PRR29: variants seen among roughly 807,000 people sequenced by gnomAD.
The protein encoded by PRR29 is proline rich 29, also known as proline-rich protein 29.
In PRR29, 20 loss-of-function variants were observed where a neutral mutation model predicts 25.1. The ratio of observed to expected loss-of-function variants is 0.80; its 90% CI spans 0.56 to 1.16. The LOEUF is 1.16. Ranked by LOEUF, PRR29 falls within the 50% of genes most tolerant of loss-of-function variation. The pLI is 0.00. For synonymous variants in PRR29, 108 were observed against 102.6 expected, an observed-to-expected ratio of 1.05 and a Z score of -0.32; for missense variants, 238 against 246.6, an observed-to-expected ratio of 0.97 and a Z score of 0.23.
rs1016618104 is a variant in PRR29, at chr17:63,999,002, G to A, written c.171G>A (p.Gln57=). The A allele has an allele frequency of 1.0e-5, 16 of 1,536,128 alleles. 1 individual carries two copies. The Admixed American group carries it at 2.9e-4, about 28-fold the overall frequency. Residue 57 remains glutamine (Q), a synonymous_variant, in exon 3 of 6, where the codon CAG becomes CAA. Coordinates refer to ENST00000412177, the MANE Select transcript of PRR29 (RefSeq NM_001164257.2). The part of the protein sequence containing the change: ...LLELMMLQNA[Q]MHQLLLSRLV... ...AACTGATGATGCTGCAGAACGCGCA[G>A]ATGCACCAGCTGCTGCTGAGTCGCC...
chr17:64,003,004 C>G lies in PRR29; in HGVS notation c.*1243C>G, dbSNP rs1021734177. ...GACCAAAAGGGAGTGGAAGTCCACCCCCAACCCAGACCCCCAGACCCCGCC... is the reference window on the plus strand; with the variant it reads ...GACCAAAAGGGAGTGGAAGTCCACCGCCAACCCAGACCCCCAGACCCCGCC... On this transcript the variant is annotated 3_prime_UTR_variant, in exon 6 of 6. Transcript: ENST00000412177. 28 of 1,403,278 alleles carry G rather than the reference C, an allele frequency of 2.0e-5. No individual in the cohort carries two copies. In the African/African-American group the frequency reaches 2.7e-4, roughly 13 times the overall value. The allele number at this position is 1,403,278 out of a possible 1,614,324, so 86.9% of individuals were successfully genotyped here. A position where few individuals can be genotyped will look rare whatever the true frequency, so the allele number is the denominator to read the frequency against.
In PRR29 at chr17:64,001,299, G is replaced by A; in HGVS notation, c.459G>A (p.Arg153=). The part of the protein sequence containing the change: ...VPRIQHCPAS[R]EREVRAVPPP... ...GGATTCAGCACTGTCCTGCCTCCAGGGAAAGGGAGGTGTAAGTGAGGCTGG... is the reference window on the plus strand; with the variant it reads ...GGATTCAGCACTGTCCTGCCTCCAGAGAAAGGGAGGTGTAAGTGAGGCTGG... The change falls in exon 4 of 6, where the codon AGG becomes AGA. Residue 153 remains arginine (R), a synonymous_variant. Transcript: ENST00000412177. 3 of 1,535,702 alleles carry A rather than the reference G, an allele frequency of 2.0e-6. No homozygotes were observed. The highest frequency in any genetic ancestry group is 2.6e-6 in the Non-Finnish European group (3 of 1,145,658).
At position 63,998,779 on chromosome 17, in the gene PRR29, G is replaced by A. The variant is rs975298280; in HGVS notation, c.133G>A (p.Glu45Lys). The part of the protein sequence containing the change: ...PAPPQPGRVK[E>K]DLLELMMLQN... ...GCCCCCGCAGCCAGGCCGCGTGAAG[G>A]AAGGTGAGACTCCCGGGTCCCCCCA... Residue 45 changes from glutamate (E) to lysine (K), a missense_variant, in exon 2 of 6, where the codon GAA becomes AAA. Physicochemically the swap from Glu to Lys is moderately conservative, Grantham distance 56. Transcript: ENST00000412177. 5 of 1,523,034 alleles carry A rather than the reference G, an allele frequency of 3.3e-6. No homozygotes were observed. The highest frequency in any genetic ancestry group is 3.5e-6 in the Non-Finnish European group (4 of 1,136,848). The allele number at this position is 1,523,034 out of a possible 1,614,324, so 94.3% of individuals were successfully genotyped here.
chr17:64,001,910 G>C lies in PRR29; in HGVS notation c.*149G>C, dbSNP rs1162411249. 1 of 1,535,802 alleles carries C rather than the reference G, an allele frequency of 6.5e-7. No individual in the cohort carries two copies. Reference sequence around the variant, plus strand: ...AACCTCAGCCAGGCCCTCTTCTCCTGGGGAAATCAGTCCCTGCCCCACGCC... The same window carrying C: ...AACCTCAGCCAGGCCCTCTTCTCCTCGGGAAATCAGTCCCTGCCCCACGCC... On this transcript the variant is annotated 3_prime_UTR_variant, in exon 6 of 6. Transcript: ENST00000412177.
Position 64,002,989 on chromosome 17 carries a change from G to C in PRR29, c.*1228G>C, listed in dbSNP as rs1260499488. On this transcript the variant is annotated 3_prime_UTR_variant, in exon 6 of 6. Transcript: ENST00000412177. ...ATCCCAGTTACCAGGGACCAAAAGGGAGTGGAAGTCCACCCCCAACCCAGA... is the reference window on the plus strand; with the variant it reads ...ATCCCAGTTACCAGGGACCAAAAGGCAGTGGAAGTCCACCCCCAACCCAGA... 2 of 1,507,400 alleles carry C rather than the reference G, an allele frequency of 1.3e-6. No homozygotes were observed. The highest frequency in any genetic ancestry group is 2.8e-5 in the African/African-American group (2 of 72,672). The allele number at this position is 1,507,400 out of a possible 1,614,324, so 93.4% of individuals were successfully genotyped here.
In PRR29 at chr17:64,003,427, G is replaced by A. The variant is rs549232919; in HGVS notation, c.*1666G>A. The A allele has an allele frequency of 1.0e-4, 59 of 578,730 alleles. No homozygotes were observed. Among genetic ancestry groups the A allele is most frequent in the East Asian group, 3.8e-4 (13 of 34,300 alleles). 35.8% of individuals were successfully genotyped at this position (578,730 alleles called of 1,614,324 possible). A position where few individuals can be genotyped will look rare whatever the true frequency, so the allele number is the denominator to read the frequency against. On this transcript the variant is annotated 3_prime_UTR_variant, in exon 6 of 6. Transcript: ENST00000412177. ...AAGGTCATGGGGCTTGATGGTGGCC[G>A]AGGAACTAGTTGACCTCTCCCGACC... is the stretch of plus-strand genomic sequence containing the variant.
At chr17:63,998,814 C>A in intron 2 of PRR29, 32 bp downstream of exon 2, 1 of 1,116,054 alleles carries the variant, frequency 9.0e-7, no homozygotes, top group Non-Finnish European at 1.3e-6. Context: ...ACCCCACCCC[C>A]ACCATCACCA....
chr17:63,998,799 C>A lies in PRR29; in HGVS notation c.136+17C>A. 5.9e-6 allele frequency: 6 copies of A among 1,009,274 alleles called. No homozygotes were observed. Among genetic ancestry groups the A allele is most frequent in the Non-Finnish European group, 5.7e-6 (4 of 699,486 alleles). 62.5% of individuals were successfully genotyped at this position (1,009,274 alleles called of 1,614,324 possible). A position where few individuals can be genotyped will look rare whatever the true frequency, so the allele number is the denominator to read the frequency against. The stretch of plus-strand genomic sequence containing the variant: ...TGAAGGAAGGTGAGACTCCCGGGTC[C>A]CCCCACCCCACCCCCACCATCACCA... On this transcript the variant is annotated intron_variant, in intron 2 of 5. Coordinates refer to ENST00000412177, the MANE Select transcript of PRR29 (RefSeq NM_001164257.2).
rs1313818854 is a variant in PRR29, at chr17:64,001,766, A to T, written c.*5A>T. ...GATGCCGAGAGCCTCCTATGAGGAC[A>T]GACCCCGGCCCTGGGAACTGCACCA... On this transcript the variant is annotated 3_prime_UTR_variant, in exon 6 of 6. Transcript: ENST00000412177. 1 of 1,537,144 alleles carries T rather than the reference A, an allele frequency of 6.5e-7. No individual in the cohort carries two copies. Among genetic ancestry groups the T allele is most frequent in the Non-Finnish European group, 8.7e-7 (1 of 1,146,890 alleles).
Position 63,998,797 on chromosome 17 carries a change from T to TTGG in PRR29, c.136+15_136+16insTGG. On this transcript the variant is annotated intron_variant, in intron 2 of 5. Coordinates refer to ENST00000412177, the MANE Select transcript of PRR29 (RefSeq NM_001164257.2). Reference sequence around the variant, plus strand: ...CGTGAAGGAAGGTGAGACTCCCGGGTCCCCCCACCCCACCCCCACCATCAC... The same window carrying TTGG: ...CGTGAAGGAAGGTGAGACTCCCGGGTTGGCCCCCCACCCCACCCCCACCATCAC... The TTGG allele has an allele frequency of 9.4e-7, 1 of 1,062,594 alleles. No individual in the cohort carries two copies. Among genetic ancestry groups the TTGG allele is most frequent in the Non-Finnish European group, 1.3e-6 (1 of 761,694 alleles). The allele number at this position is 1,062,594 out of a possible 1,614,324, so 65.8% of individuals were successfully genotyped here. A position where few individuals can be genotyped will look rare whatever the true frequency, so the allele number is the denominator to read the frequency against.
rs770462917 is a variant in PRR29, at chr17:64,003,872, G to A, written c.*2111G>A. ...AGGAAGAGGGTGAGGCTGTCCAGGG[G>A]CTCCACGGTGGGCACCCTGCACTCA... On this transcript the variant is annotated 3_prime_UTR_variant, in exon 6 of 6. Transcript: ENST00000412177. 5.0e-6 allele frequency: 8 copies of A among 1,614,220 alleles called. No individual in the cohort carries two copies. The highest frequency in any genetic ancestry group is 6.8e-6 in the Non-Finnish European group (8 of 1,180,024).
rs747936060 is a variant in PRR29 at position 63,999,109 on chromosome 17, G to T, written c.243+35G>T. 2.0e-6 allele frequency: 3 copies of T among 1,486,552 alleles called. No individual in the cohort carries two copies. In the Admixed American group the frequency reaches 5.9e-5, roughly 29 times the overall value. The allele number at this position is 1,486,552 out of a possible 1,614,324, so 92.1% of individuals were successfully genotyped here. A position where few individuals can be genotyped will look rare whatever the true frequency, so the allele number is the denominator to read the frequency against. ...GGTGGGCCGCCGGGGTCGCTCACCT[G>T]TGGGTCCAGGGATGCGGATCCACCT... On this transcript the variant is annotated intron_variant, in intron 3 of 5. Transcript: ENST00000412177.
chr17:64,003,936 C>T lies in PRR29; in HGVS notation c.*2175C>T. 1 of 1,613,490 alleles carries T rather than the reference C, an allele frequency of 6.2e-7. No homozygotes were observed. The highest frequency in any genetic ancestry group is 8.5e-7 in the Non-Finnish European group (1 of 1,179,718). ...TGCCCACAGCCACCAAAGTGGGTTGCAGTGTCAGGATGACCTGCCTTGGAG... is the reference window on the plus strand; with the variant it reads ...TGCCCACAGCCACCAAAGTGGGTTGTAGTGTCAGGATGACCTGCCTTGGAG... On this transcript the variant is annotated 3_prime_UTR_variant, in exon 6 of 6. Coordinates refer to ENST00000412177, the MANE Select transcript of PRR29 (RefSeq NM_001164257.2).
At position 64,001,128 on chromosome 17, in the gene PRR29, G is replaced by A. The variant is rs1340808802; in HGVS notation, c.288G>A (p.Glu96=). 6.5e-7 allele frequency: 1 copy of A among 1,537,530 alleles called. No homozygotes were observed. ...AGGAAGAGCCTGAGGAGGAGGAGGA[G>A]GAGATGGACGTGCGGGAGAAAGGGC... The part of the protein sequence containing the change: ...VPQEEPEEEE[E]EMDVREKGPL... The change falls in exon 4 of 6, where the codon GAG becomes GAA. Residue 96 remains glutamate (E), a synonymous_variant. Transcript: ENST00000412177.
At chr17:63,998,571 GGA>G in intron 1 of PRR29, 134 bp from the exon 2 acceptor site, 1 of 1,126,896 alleles carries the variant, frequency 8.9e-7, no homozygotes, top group Non-Finnish European at 1.2e-6. Flanking sequence ...CAGGGAGCAG[GGA>G]GGCCGCGGGG....
chr17:63,998,676 C>T (rs1910302319), intron 1 of PRR29, 31 bp from the exon 2 acceptor site: 1 of 1,337,956 alleles, frequency 7.5e-7, no homozygotes, highest in Non-Finnish European at 1.0e-6. Flanking sequence ...TTCCCCCCAC[C>T]CCACCTGGCT....
rs1215579929 is a variant in PRR29 at position 63,998,725 on chromosome 17, C to A, written c.79C>A (p.Gln27Lys). 1 of 1,528,494 alleles carries A rather than the reference C, an allele frequency of 6.5e-7. No homozygotes were observed. The highest frequency in any genetic ancestry group is 1.2e-5 in the South Asian group (1 of 83,362). The allele number at this position is 1,528,494 out of a possible 1,614,324, so 94.7% of individuals were successfully genotyped here. A position where few individuals can be genotyped will look rare whatever the true frequency, so the allele number is the denominator to read the frequency against. ...CCCCCAGCCCTGGGTCACCTTCCTG[C>A]AGCCCCTCTCGTGGGCCGTCCCACC... ...AVPTPWVTFL[Q>K]PLSWAVPPAP... Residue 27 changes from glutamine (Q) to lysine (K), a missense_variant, in exon 2 of 6, where the codon CAG becomes AAG. Gln to Lys is a moderately conservative substitution (Grantham distance 53, BLOSUM62 1). Transcript: ENST00000412177.
intron 1 of PRR29, 30 bp from the exon 2 acceptor site, chr17:63,998,677 C>G (rs1014778262): frequency 2.8e-5 from 38 of 1,354,598 alleles, no homozygotes; most frequent in Middle Eastern, 2.3e-4. Flanking sequence ...TCCCCCCACC[C>G]CACCTGGCTG....
chr17:64,000,945 C>A, intron 3 of PRR29, 139 bp from the exon 4 acceptor site: 2 of 742,686 alleles, frequency 2.7e-6, no homozygotes, highest in Non-Finnish European at 4.5e-6. Context: ...GGATTACAGG[C>A]GTGAGCCACC....
Sources: allele counts gnomAD v4.1 joint callset, GRCh38; gene constraint gnomAD v4.1.1; transcripts MANE v1.5; gene names NCBI Gene and HGNC (gene_info 2026-07-23, HGNC 2026-07-21).